Variants in L1TD1 observed in about 807,000 individuals in gnomAD.
The protein encoded by L1TD1 is LINE1 type transposase domain containing 1, also known as LINE-1 type transposase domain-containing protein 1.
L1TD1 carries 26 observed loss-of-function variants against 25.7 expected under a neutral mutation model. That is an observed-to-expected ratio of 1.01 (90% CI 0.74 to 1.40). The LOEUF (loss-of-function observed/expected upper bound fraction) is 1.40. L1TD1 is among the 40% of genes most tolerant of loss of function. The pLI, the probability that L1TD1 is intolerant of heterozygous loss-of-function variation, is 0.00. For missense variants in L1TD1, 1,130 were observed against 975.0 expected, an observed-to-expected ratio of 1.16 and a Z score of -2.12; for synonymous variants, 421 against 335.6, an observed-to-expected ratio of 1.25 and a Z score of -2.78.
In L1TD1 at chr1:62,207,384, A is replaced by C. The variant is rs893962759; in HGVS notation, c.756A>C (p.Ala252=). Residue 252 remains alanine (A), a synonymous_variant, in exon 3 of 4, where the codon GCA becomes GCC. Transcript: ENST00000498273. ...VLTLVADLSS[A]TLDISKQWSN... ...CCCTGGTAGCCGACCTTTCATCAGC[A>C]ACACTGGATATTAGTAAGCAATGGA... 3.2e-6 allele frequency: 5 copies of C among 1,551,656 alleles called. No individual in the cohort carries two copies. Among genetic ancestry groups the C allele is most frequent in the Non-Finnish European group, 4.4e-6 (5 of 1,146,952 alleles).
chr1:62,198,522 C>A (rs1478944704), intron 2 of L1TD1, among the ~76,000 whole-genome samples: 1 of 151,600 alleles, frequency 6.6e-6, no homozygotes, highest in African/African-American at 2.4e-5. Flanking sequence ...ACCGACCCCC[C>A]GCCGCCGCCC....
At position 62,211,408 on chromosome 1, in the gene L1TD1, C is replaced by A; in HGVS notation, c.*36C>A. ...TGACTACAAACAATATGCTTTCCTCCCCCAGCATGCATCCAAAAATCAACA... is the reference window on the plus strand; with the variant it reads ...TGACTACAAACAATATGCTTTCCTCACCCAGCATGCATCCAAAAATCAACA... On this transcript the variant is annotated 3_prime_UTR_variant, in exon 4 of 4. Transcript: ENST00000498273. 2 of 1,527,574 alleles carry A rather than the reference C, an allele frequency of 1.3e-6. No individual in the cohort carries two copies. Among genetic ancestry groups the A allele is most frequent in the South Asian group, 1.3e-5 (1 of 75,598 alleles). The allele number at this position is 1,527,574 out of a possible 1,614,324, so 94.6% of individuals were successfully genotyped here. A position where few individuals can be genotyped will look rare whatever the true frequency, so the allele number is the denominator to read the frequency against.
intron 2 of L1TD1, among the ~76,000 whole-genome samples, chr1:62,203,931 G>A (rs115392404): frequency 1.8e-3 from 272 of 152,066 alleles, no homozygotes; most frequent in African/African-American, 6.3e-3. Flanking sequence ...TCGCCATCTC[G>A]GCCAGGCCGG....
rs1209266262 is a variant in L1TD1, at chr1:62,210,401, A to G, written c.1627A>G (p.Ser543Gly). The G allele has an allele frequency of 6.2e-7, 1 of 1,614,144 alleles. No individual in the cohort carries two copies. The highest frequency in any genetic ancestry group is 1.7e-5 in the Admixed American group (1 of 60,024). ...GGAAGAGGAAACAGCTGTGCCCACA[A>G]GTCAAGGAACTGGCACACCCTGTCT... The part of the protein sequence containing the change: ...QEEEETAVPT[S>G]QGTGTPCLTL... Residue 543 changes from serine to glycine, a missense_variant, in exon 4 of 4, where the codon AGT (serine) becomes GGT (glycine). Coordinates refer to ENST00000498273, the MANE Select transcript of L1TD1 (RefSeq NM_019079.5).
In L1TD1 at chr1:62,210,898, A is replaced by G. The variant is rs375076178; in HGVS notation, c.2124A>G (p.Pro708=). The G allele has an allele frequency of 2.5e-5, 39 of 1,551,320 alleles. No individual in the cohort carries two copies. Among genetic ancestry groups the G allele is most frequent in the Non-Finnish European group, 3.0e-5 (34 of 1,146,940 alleles). ...RSCNIRLIGI[P]EKESYENRAE... ...GCAACATTCGTTTGATAGGAATTCC[A>G]GAAAAGGAGAGTTATGAGAATAGGG... The change falls in exon 4 of 4, where the codon CCA becomes CCG. Residue 708 remains proline, a synonymous_variant. Coordinates refer to ENST00000498273, the MANE Select transcript of L1TD1 (RefSeq NM_019079.5).
Position 62,206,516 on chromosome 1 carries a change from C to T in L1TD1, c.-110-3C>T. ...AGTAATTTTTCATTTTTTTGTATTT[C>T]AGATTGACGTATTTTAAGATTTTTT... On this transcript the variant is annotated splice_polypyrimidine_tract_variant and splice_region_variant and intron_variant, in intron 2 of 3. Coordinates refer to ENST00000498273, the MANE Select transcript of L1TD1 (RefSeq NM_019079.5). 1 of 1,076,376 alleles carries T rather than the reference C, an allele frequency of 9.3e-7. No individual in the cohort carries two copies. The allele number at this position is 1,076,376 out of a possible 1,614,324, so 66.7% of individuals were successfully genotyped here. A position where few individuals can be genotyped will look rare whatever the true frequency, so the allele number is the denominator to read the frequency against.
intron 3 of L1TD1, chr1:62,208,506 G>A (rs1181824689): frequency 7.3e-6 from 1 of 136,800 alleles, no homozygotes. Context: ...TTGAGATAAA[G>A]TCTTGCTCTA....
intron 2 of L1TD1, among the ~76,000 whole-genome samples, chr1:62,199,621 A>G (rs548559118): frequency 1.3e-5 from 2 of 152,200 alleles, no homozygotes; most frequent in South Asian, 4.2e-4. Context: ...CCAGCTACTC[A>G]GGAGGCTGAG....
chr1:62,210,090 C>G lies in L1TD1; in HGVS notation c.1316C>G (p.Thr439Ser), dbSNP rs1349654314. ...GGGCTAGAGGAGGAAGAGGAACAGACTTCAGAACAGGACTCAACCTTTCAG... is the reference window on the plus strand; with the variant it reads ...GGGCTAGAGGAGGAAGAGGAACAGAGTTCAGAACAGGACTCAACCTTTCAG... ...ASGLEEEEEQ[T>S]SEQDSTFQGH... is the part of the protein sequence containing the mutation. The change falls in exon 4 of 4, where the codon ACT (threonine) becomes AGT (serine). Residue 439 changes from threonine to serine, a missense_variant. Physicochemically the swap from Thr to Ser is moderately conservative, Grantham distance 58. Coordinates refer to ENST00000498273, the MANE Select transcript of L1TD1 (RefSeq NM_019079.5). 3.7e-6 allele frequency: 6 copies of G among 1,613,942 alleles called. No homozygotes were observed. The African/African-American group carries it at 4.0e-5, about 11-fold the overall frequency.
Position 62,209,953 on chromosome 1 carries a change from G to A in L1TD1, c.1179G>A (p.Gly393=), listed in dbSNP as rs775731686. 6.2e-7 allele frequency: 1 copy of A among 1,612,732 alleles called. No individual in the cohort carries two copies. Among genetic ancestry groups the A allele is most frequent in the East Asian group, 2.2e-5 (1 of 44,830 alleles). Residue 393 remains glycine (G), a synonymous_variant, in exon 4 of 4, where the codon GGG becomes GGA. Coordinates refer to ENST00000498273, the MANE Select transcript of L1TD1 (RefSeq NM_019079.5). The stretch of plus-strand genomic sequence containing the variant: ...AGGAGCTGGATGAAGAGGCCTCAGG[G>A]ATGGAGGATGATGAAGATACCTCAG... ...ELEELDEEAS[G]MEDDEDTSGL...
chr1:62,209,595 A>T (rs1245331612), intron 3 of L1TD1, among the ~76,000 whole-genome samples, 188 bp from the exon 4 acceptor site: 1 of 152,168 alleles, frequency 6.6e-6, no homozygotes, highest in African/African-American at 2.4e-5. Context: ...TCTTGAGATG[A>T]TCATAGGGAG....
At chr1:62,205,366 A>ACTCCCTCTCTCTCTCTCTCT (rs1557443295) in intron 2 of L1TD1, among the ~76,000 whole-genome samples, 1 of 105,870 alleles carries the variant, frequency 9.4e-6, no homozygotes, top group African/African-American at 3.6e-5. Context: ...ACCAACGAAA[A>ACTCCCTCTCTCTCTCTCTCT]CTCTCTTTCT....
intron 2 of L1TD1, among the ~76,000 whole-genome samples, chr1:62,196,848 T>C (rs961437736): frequency 6.6e-6 from 1 of 151,892 alleles, no homozygotes; most frequent in Non-Finnish European, 1.5e-5. Context: ...CACCTCCATC[T>C]CCTAAAGTGA....
intron 2 of L1TD1, among the ~76,000 whole-genome samples, chr1:62,202,669 ATTTT>A (rs35815437): frequency 0.01 from 739 of 71,852 alleles, 10 homozygotes; most frequent in African/African-American, 0.039. Flanking sequence ...CCAGGGTTTA[ATTTT>A]TTTTTTTTTT....
Position 62,211,415 on chromosome 1 carries a change from AT to A in L1TD1, c.*44del, listed in dbSNP as rs765622578. 19 of 1,525,512 alleles carry A rather than the reference AT, an allele frequency of 1.2e-5. No individual in the cohort carries two copies. The highest frequency in any genetic ancestry group is 1.1e-4 in the South Asian group (8 of 75,028). 94.5% of individuals were successfully genotyped at this position (1,525,512 alleles called of 1,614,324 possible). On this transcript the variant is annotated 3_prime_UTR_variant, in exon 4 of 4. Transcript: ENST00000498273. Reference sequence around the variant, plus strand: ...AAACAATATGCTTTCCTCCCCCAGCATGCATCCAAAAATCAACAAGTAAAAC... The same window carrying A: ...AAACAATATGCTTTCCTCCCCCAGCAGCATCCAAAAATCAACAAGTAAAAC...
intron 3 of L1TD1, among the ~76,000 whole-genome samples, chr1:62,209,289 CTTT>C (rs376933477): frequency 5.3e-5 from 7 of 131,800 alleles, no homozygotes; most frequent in Admixed American, 1.5e-4. Flanking sequence ...CAATTGGGGT[CTTT>C]TTTTTTTTTT....
chr1:62,209,217 CTTG>C (rs1277040031), intron 3 of L1TD1, among the ~76,000 whole-genome samples: 2 of 151,188 alleles, frequency 1.3e-5, no homozygotes, highest in African/African-American at 2.4e-5. Flanking sequence ...TTGAACTGAG[CTTG>C]TTGTATTCCT....
In L1TD1 at chr1:62,195,140, C is replaced by T. The variant is rs116622520; in HGVS notation, c.-205+219C>T. On this transcript the variant is annotated intron_variant, in intron 1 of 3. Transcript: ENST00000498273. ...GCCCCAAGTAAGGCTGGTCCAGGAGCGTGAGGTCCAGGGTGCCCCGGATAA... is the reference window on the plus strand; with the variant it reads ...GCCCCAAGTAAGGCTGGTCCAGGAGTGTGAGGTCCAGGGTGCCCCGGATAA... 3.8e-3 allele frequency among the ~76,000 whole-genome samples: 572 copies of T among 151,380 alleles called. 3 individuals are homozygous for T. The highest frequency in any genetic ancestry group is 0.014 in the African/African-American group (561 of 41,224).
rs374688773 is a variant in L1TD1, at chr1:62,206,726, C to CTG, written c.99_100dup (p.Asp34ValfsTer5). The CTG allele has an allele frequency of 1.2e-5, 19 of 1,551,150 alleles. No individual in the cohort carries two copies. Among genetic ancestry groups the CTG allele is most frequent in the Middle Eastern group, 1.7e-4 (1 of 6,008 alleles). ...ATGAAAAGAGAGCAGTTAACAGAAA[C>CTG]TGATAAGGACATAGCTCCGGTATTA... On this transcript the variant is annotated frameshift_variant, in exon 3 of 4. Transcript: ENST00000498273. LOFTEE classifies it high-confidence loss of function.
Sources: allele counts gnomAD v4.1 joint callset (sites outside exome capture counted in the v4.1 genomes callset), GRCh38; gene constraint gnomAD v4.1.1; transcripts MANE v1.5; gene names NCBI Gene and HGNC (gene_info 2026-07-23, HGNC 2026-07-21).